SENP7: variants seen among roughly 807,000 people sequenced by gnomAD.
SENP7 encodes sentrin-specific protease 7.
SENP7 carries 64 observed loss-of-function variants against 141.2 expected under a neutral mutation model. The observed-to-expected ratio is 0.45, with a 90% CI of 0.37 to 0.56. The LOEUF is 0.56. SENP7 is among the 20% of genes least tolerant of loss of function. The probability of loss-of-function intolerance (pLI) is 0.00; values close to 1 mark genes in which losing one functional copy is unlikely to be tolerated. For missense variants in SENP7, 1,025 were observed against 1,212.2 expected, an observed-to-expected ratio of 0.85 and a Z score of 2.29; for synonymous variants, 382 against 426.4, an observed-to-expected ratio of 0.90 and a Z score of 1.28.
chr3:101,417,831 A>T, intron 4 of SENP7, 41 bp from the exon 5 acceptor site: 1 of 1,417,474 alleles, frequency 7.1e-7, no homozygotes, highest in Non-Finnish European at 9.9e-7. Context: ...GGTACTACAC[A>T]TTGTAGAATA....
At chr3:101,476,314 T>C (rs1296038713) in intron 3 of SENP7, among the ~76,000 whole-genome samples, 1 of 152,036 alleles carries the variant, frequency 6.6e-6, no homozygotes, top group Non-Finnish European at 1.5e-5. Flanking sequence ...GTGCTCTCAT[T>C]GTTCAACTCC....
intron 18 of SENP7, among the ~76,000 whole-genome samples, chr3:101,332,552 T>C (rs541516652): frequency 3.0e-4 from 46 of 152,206 alleles, no homozygotes; most frequent in Non-Finnish European, 4.6e-4. Context: ...TGGTCATTTG[T>C]CACTTTATTT....
At chr3:101,450,807 G>C (rs2063102528) in intron 4 of SENP7, among the ~76,000 whole-genome samples, 1 of 152,108 alleles carries the variant, frequency 6.6e-6, no homozygotes, top group African/African-American at 2.4e-5. Context: ...AAAAGAACTA[G>C]AGAAGCAAGA....
intron 4 of SENP7, among the ~76,000 whole-genome samples, chr3:101,440,718 A>G (rs1439694632): frequency 2.0e-5 from 3 of 151,890 alleles, no homozygotes; most frequent in Non-Finnish European, 2.9e-5. Flanking sequence ...ACAGCACAAG[A>G]AAAAAAACCA....
chr3:101,388,639 T>C (rs1015396242), intron 6 of SENP7, among the ~76,000 whole-genome samples: 1 of 152,052 alleles, frequency 6.6e-6, no homozygotes, highest in Non-Finnish European at 1.5e-5. Context: ...CAATAACATA[T>C]TTCAATGAAA....
chr3:101,499,826 C>A (rs933995253), intron 2 of SENP7, among the ~76,000 whole-genome samples: 1 of 152,042 alleles, frequency 6.6e-6, no homozygotes, highest in Non-Finnish European at 1.5e-5. Context: ...TGAGCCACTG[C>A]GCCCGGCCAA....
intron 3 of SENP7, among the ~76,000 whole-genome samples, chr3:101,461,600 A>G (rs1393471293): frequency 6.6e-6 from 1 of 152,138 alleles, no homozygotes; most frequent in Non-Finnish European, 1.5e-5. Context: ...TAAGAAAAAA[A>G]AAAACAGTAT....
At chr3:101,490,176 A>G (rs1229633416) in intron 3 of SENP7, among the ~76,000 whole-genome samples, 2 of 150,796 alleles carry the variant, frequency 1.3e-5, no homozygotes, top group Middle Eastern at 3.4e-3. Context: ...CAAGGGGGAA[A>G]CTCCGTCTCA....
chr3:101,393,822 A>T (rs2060885121), intron 6 of SENP7, among the ~76,000 whole-genome samples: 1 of 152,200 alleles, frequency 6.6e-6, no homozygotes. Context: ...AGTGCGCAAA[A>T]AGACTAAATA....
rs141560966 is a variant in SENP7 at position 101,414,514 on chromosome 3, G to A, written c.482+3079C>T. The A allele has an allele frequency of 1.5e-5, 24 of 1,560,210 alleles. No homozygotes were observed. In the African/African-American group the frequency reaches 2.6e-4, roughly 17 times the overall value. On this transcript the variant is annotated intron_variant, in intron 5 of 23. Coordinates refer to ENST00000394095, the MANE Select transcript of SENP7 (RefSeq NM_020654.5). ...AGATTCAATAGCTGCTGGGAGTAAG[G>A]AGCTTCAGGTGAAGCAGCAGCTGGA...
intron 4 of SENP7, among the ~76,000 whole-genome samples, chr3:101,451,498 T>A (rs528146290): frequency 1.3e-5 from 2 of 152,232 alleles, no homozygotes; most frequent in Non-Finnish European, 2.9e-5. Context: ...CAGCAGCACA[T>A]CAAGAAGCTT....
chr3:101,454,772 T>C lies in SENP7; in HGVS notation c.284+4183A>G, dbSNP rs145111064. ...CAAACATATTGTATGATTCTGTCTA[T>C]ATGAAATGTCCAAAAAATCAAATCT... On this transcript the variant is annotated intron_variant, in intron 4 of 23. Transcript: ENST00000394095. 1.4e-3 allele frequency among the ~76,000 whole-genome samples: 217 copies of C among 152,276 alleles called. 1 individual carries two copies. In the South Asian group the frequency reaches 0.015, roughly 10 times the overall value.
At chr3:101,380,147 T>C (rs759117568) in intron 6 of SENP7, among the ~76,000 whole-genome samples, 6 of 152,252 alleles carry the variant, frequency 3.9e-5, no homozygotes, top group Admixed American at 1.3e-4. Flanking sequence ...GAAAGTAGAA[T>C]GGTGGCTGTC....
chr3:101,387,395 C>G (rs2060688249), intron 6 of SENP7, among the ~76,000 whole-genome samples: 1 of 152,230 alleles, frequency 6.6e-6, no homozygotes, highest in South Asian at 2.1e-4. Flanking sequence ...ACTGCTGGCA[C>G]CCAAGTGCAC....
intron 4 of SENP7, among the ~76,000 whole-genome samples, chr3:101,444,212 G>C (rs111297698): frequency 0.28 from 30,367 of 110,058 alleles, 4,662 homozygotes; most frequent in Admixed American, 0.39. Flanking sequence ...ACACCAGTTA[G>C]AATGGCGATC....
chr3:101,451,289 A>G (rs929271974), intron 4 of SENP7, among the ~76,000 whole-genome samples: 2 of 152,216 alleles, frequency 1.3e-5, no homozygotes, highest in African/African-American at 4.8e-5. Flanking sequence ...CCAGAGGTAC[A>G]AAGAGAAGCT....
At chr3:101,381,199 G>C (rs987638783) in intron 6 of SENP7, among the ~76,000 whole-genome samples, 3 of 152,120 alleles carry the variant, frequency 2.0e-5, no homozygotes, top group Non-Finnish European at 2.9e-5. Flanking sequence ...GTGAACATTT[G>C]GGTGTTTATT....
intron 4 of SENP7, among the ~76,000 whole-genome samples, chr3:101,447,876 G>C (rs1373281751): frequency 6.6e-6 from 1 of 151,988 alleles, no homozygotes; most frequent in African/African-American, 2.4e-5. Context: ...ACCAGCATAT[G>C]GACAGACATA....
intron 3 of SENP7, among the ~76,000 whole-genome samples, chr3:101,463,364 A>T (rs13316518): frequency 6.2e-4 from 55 of 89,192 alleles, no homozygotes; most frequent in Non-Finnish European, 8.1e-4. Context: ...TAAATAAATA[A>T]ATATATATAT....
Sources: allele counts gnomAD v4.1 joint callset (sites outside exome capture counted in the v4.1 genomes callset), GRCh38; gene constraint gnomAD v4.1.1; transcripts MANE v1.5; gene names NCBI Gene and HGNC (gene_info 2026-07-23, HGNC 2026-07-21).